Variants in EDAR observed in about 807,000 individuals in gnomAD.
The protein encoded by EDAR is ectodysplasin A receptor.
EDAR carries 38 observed loss-of-function variants against 51.3 expected under a neutral mutation model. That is an observed-to-expected ratio of 0.74 (90% CI 0.57 to 0.97). The LOEUF is 0.97. EDAR is among the 50% of genes least tolerant of loss of function. The pLI is 0.00. For synonymous variants in EDAR, 227 were observed against 242.1 expected, an observed-to-expected ratio of 0.94 and a Z score of 0.58; for missense variants, 528 against 595.0, an observed-to-expected ratio of 0.89 and a Z score of 1.17.
chr2:108,932,935 AGCACGCCTG>A (rs1343205244), intron 1 of EDAR, among the ~76,000 whole-genome samples: 1 of 152,136 alleles, frequency 6.6e-6, no homozygotes. Context: ...ATCCCTGGGG[AGCACGCCTG>A]TCCTGCCTCC....
chr2:108,950,737 C>T (rs746951167), intron 1 of EDAR, among the ~76,000 whole-genome samples: 7 of 152,210 alleles, frequency 4.6e-5, no homozygotes, highest in Non-Finnish European at 1.0e-4. Context: ...GGGAATCAGA[C>T]CTTGGGCTGG....
rs372591462 is a variant in EDAR, at chr2:108,965,451, C to T, written c.-19+23509G>A. 1.9e-4 allele frequency among the ~76,000 whole-genome samples: 23 copies of T among 122,206 alleles called. No homozygotes were observed. In the South Asian group the frequency reaches 2.1e-3, roughly 11 times the overall value. The allele number at this position is 122,206 out of a possible 152,430, so 80.2% of individuals were successfully genotyped here. On this transcript the variant is annotated intron_variant, in intron 1 of 11. Coordinates refer to ENST00000258443, the MANE Select transcript of EDAR (RefSeq NM_022336.4). ...CTGCACTCCAACCTGGGAGACAGAG[C>T]GAGATTTCGTCTCAAAAAAAAAAAA...
chr2:108,943,541 G>A (rs1448122606), intron 1 of EDAR, among the ~76,000 whole-genome samples: 1 of 152,174 alleles, frequency 6.6e-6, no homozygotes, highest in African/African-American at 2.4e-5. Flanking sequence ...GCTGGGGCAG[G>A]TGGTGACTAG....
chr2:108,921,071 A>C (rs1697128455), intron 5 of EDAR, among the ~76,000 whole-genome samples: 1 of 152,204 alleles, frequency 6.6e-6, no homozygotes, highest in African/African-American at 2.4e-5. Context: ...GAGTCATAAG[A>C]AACCCCCAGG....
intron 1 of EDAR, among the ~76,000 whole-genome samples, chr2:108,955,575 G>A (rs926313953): frequency 4.6e-5 from 7 of 151,970 alleles, no homozygotes; most frequent in African/African-American, 1.7e-4. Flanking sequence ...TGGTGTGGTG[G>A]CACTTGCCTG....
intron 6 of EDAR, 32 bp downstream of exon 6, chr2:108,912,646 C>T: frequency 6.5e-6 from 10 of 1,535,832 alleles, no homozygotes; most frequent in Non-Finnish European, 8.9e-6. Flanking sequence ...CCACCTAACT[C>T]CAGGTGATCG....
At chr2:108,940,610 C>T (rs992228494) in intron 1 of EDAR, among the ~76,000 whole-genome samples, 5 of 152,230 alleles carry the variant, frequency 3.3e-5, no homozygotes, top group South Asian at 2.1e-4. Context: ...CATCCAGTGC[C>T]GTCGTCACAC....
chr2:108,973,208 G>A (rs1417593115), intron 1 of EDAR, among the ~76,000 whole-genome samples: 1 of 152,160 alleles, frequency 6.6e-6, no homozygotes, highest in Non-Finnish European at 1.5e-5. Context: ...GGCTGGTGTT[G>A]AACTCCTGAC....
chr2:108,903,449 AT>A (rs1307204458), intron 11 of EDAR, among the ~76,000 whole-genome samples: 1 of 152,176 alleles, frequency 6.6e-6, no homozygotes, highest in African/African-American at 2.4e-5. Flanking sequence ...TGAAAAAAAA[AT>A]AAAGGAAAAT....
intron 6 of EDAR, 67 bp downstream of exon 6, chr2:108,912,608 TCTC>T (rs1481518525): frequency 1.4e-6 from 2 of 1,401,762 alleles, no homozygotes; most frequent in African/African-American, 2.8e-5. Context: ...GATCATTTCC[TCTC>T]CTCTTCTGAG....
chr2:108,933,919 T>G (rs182891390), intron 1 of EDAR, among the ~76,000 whole-genome samples: 1 of 152,188 alleles, frequency 6.6e-6, no homozygotes, highest in Non-Finnish European at 1.5e-5. Flanking sequence ...TTAGCAGAGA[T>G]AGGTTTCCAC....
At chr2:108,937,058 C>T (rs1404172113) in intron 1 of EDAR, among the ~76,000 whole-genome samples, 2 of 152,258 alleles carry the variant, frequency 1.3e-5, no homozygotes, top group Admixed American at 6.5e-5. Flanking sequence ...ACAGGCCAAA[C>T]GTCTTGGCAA....
intron 1 of EDAR, among the ~76,000 whole-genome samples, chr2:108,955,529 C>T (rs1697905655): frequency 6.6e-6 from 1 of 152,066 alleles, no homozygotes; most frequent in South Asian, 2.1e-4. Flanking sequence ...GGGCAGATCA[C>T]CTGAGGTCAG....
chr2:108,911,226 TC>T (rs1696924320), intron 6 of EDAR, among the ~76,000 whole-genome samples, 154 bp from the exon 7 acceptor site: 1 of 151,868 alleles, frequency 6.6e-6, no homozygotes, highest in Non-Finnish European at 1.5e-5. Context: ...GAGAACCAAA[TC>T]CTCCGCGCTG....
rs549408534 is a variant in EDAR at position 108,900,573 on chromosome 2, A to C, written c.1025-3344T>G. 3.8e-3 allele frequency among the ~76,000 whole-genome samples: 522 copies of C among 136,936 alleles called. 5 individuals are homozygous for C. The highest frequency in any genetic ancestry group is 0.012 in the African/African-American group (477 of 39,532). 89.8% of individuals were successfully genotyped at this position (136,936 alleles called of 152,430 possible). A position where few individuals can be genotyped will look rare whatever the true frequency, so the allele number is the denominator to read the frequency against. ...TCCAAAAAAAAAGAAAAAAAAAAAA[A>C]CAAAAAACCCAAACCAAACCAAAAC... On this transcript the variant is annotated intron_variant, in intron 11 of 11. Coordinates refer to ENST00000258443, the MANE Select transcript of EDAR (RefSeq NM_022336.4).
chr2:108,964,704 T>C (rs1698116383), intron 1 of EDAR, among the ~76,000 whole-genome samples: 1 of 152,196 alleles, frequency 6.6e-6, no homozygotes, highest in Non-Finnish European at 1.5e-5. Flanking sequence ...AGCATCCCAG[T>C]GCTGGAATCC....
rs532885396 is a variant in EDAR at position 108,944,619 on chromosome 2, T to G, written c.-18-13587A>C. Among the ~76,000 whole-genome samples the G allele has an allele frequency of 2.6e-5, 4 of 151,836 alleles. No homozygotes were observed. In the East Asian group the frequency reaches 7.8e-4, roughly 30 times the overall value. Reference sequence around the variant, plus strand: ...GCCCTCAGCAGACCTTACGAAGCCCTGCTGGGCTAAGTGCCAGGGTGGGGG... The same window carrying G: ...GCCCTCAGCAGACCTTACGAAGCCCGGCTGGGCTAAGTGCCAGGGTGGGGG... On this transcript the variant is annotated intron_variant, in intron 1 of 11. Coordinates refer to ENST00000258443, the MANE Select transcript of EDAR (RefSeq NM_022336.4).
chr2:108,949,308 A>T (rs1314797487), intron 1 of EDAR, among the ~76,000 whole-genome samples: 1 of 152,244 alleles, frequency 6.6e-6, no homozygotes, highest in African/African-American at 2.4e-5. Context: ...AATAAAAGCA[A>T]TAATACAAGT....
rs1697355505 is a variant in EDAR, at chr2:108,930,955, A to G, written c.51+9T>C. On this transcript the variant is annotated intron_variant, in intron 2 of 11. Coordinates refer to ENST00000258443, the MANE Select transcript of EDAR (RefSeq NM_022336.4). ...GGTGCTGTGGGGGTAAGGGGCTCAG[A>G]CCACTTACCACCAGGACGGGGAGCC... 1 of 1,613,606 alleles carries G rather than the reference A, an allele frequency of 6.2e-7. No individual in the cohort carries two copies. Among genetic ancestry groups the G allele is most frequent in the Admixed American group, 1.7e-5 (1 of 60,012 alleles).
Sources: allele counts gnomAD v4.1 joint callset (sites outside exome capture counted in the v4.1 genomes callset), GRCh38; gene constraint gnomAD v4.1.1; transcripts MANE v1.5; gene names NCBI Gene and HGNC (gene_info 2026-07-23, HGNC 2026-07-21).